Variants in CHAF1B observed in about 807,000 individuals in gnomAD.
CHAF1B encodes the protein chromatin assembly factor 1 subunit B, also known as CAF-1 subunit B.
In CHAF1B, 10 loss-of-function variants were observed where a neutral mutation model predicts 60.7. The observed-to-expected ratio is 0.16, with a 90% CI of 0.10 to 0.28. The LOEUF is 0.28. Among genes scored for constraint, CHAF1B ranks in the 10% least tolerant of loss-of-function variants. CHAF1B has a pLI of 1.00. For synonymous variants in CHAF1B, 261 were observed against 266.1 expected (o/e 0.98, Z 0.19); for missense variants, 558 against 708.4 (o/e 0.79, Z 2.41).
chr21:36,397,402 G>GT lies in CHAF1B; in HGVS notation c.482-5dup, dbSNP rs565337756. ...ATGCTGTTTTGGTGCGTGTGTGTGT[G>GT]TTTTTTTTGTAGGACAAAAGATATC... is the stretch of plus-strand genomic sequence containing the variant. On this transcript the variant is annotated splice_polypyrimidine_tract_variant and intron_variant, in intron 5 of 13. Coordinates refer to ENST00000314103, the MANE Select transcript of CHAF1B (RefSeq NM_005441.3). 33,444 of 1,402,582 alleles carry GT rather than the reference G, an allele frequency of 0.024. 516 individuals are homozygous for GT. The highest frequency in any genetic ancestry group is 0.061 in the Admixed American group (3,097 of 51,166). The allele number at this position is 1,402,582 out of a possible 1,614,324, so 86.9% of individuals were successfully genotyped here. A position where few individuals can be genotyped will look rare whatever the true frequency, so the allele number is the denominator to read the frequency against.
intron 10 of CHAF1B, among the ~76,000 whole-genome samples, chr21:36,410,857 T>G (rs2086273023): frequency 6.6e-6 from 1 of 151,958 alleles, no homozygotes; most frequent in South Asian, 2.1e-4. Flanking sequence ...GGCAGGGTTT[T>G]GCCATGTTGG....
At chr21:36,395,593 C>A (rs1224365923) in intron 5 of CHAF1B, among the ~76,000 whole-genome samples, 1 of 152,110 alleles carries the variant, frequency 6.6e-6, no homozygotes, top group Admixed American at 6.6e-5. Context: ...ATTAACAAGT[C>A]ACTTATAATT....
intron 11 of CHAF1B, among the ~76,000 whole-genome samples, chr21:36,412,333 A>G (rs2086284137): frequency 6.6e-6 from 1 of 151,424 alleles, no homozygotes; most frequent in Admixed American, 6.6e-5. Flanking sequence ...TTTGGTCCCC[A>G]ATTCAGCCCC....
rs547040422 is a variant in CHAF1B, at chr21:36,418,525, C to G, written c.*2159C>G. On this transcript the variant is annotated 3_prime_UTR_variant, in exon 14 of 14. Coordinates refer to ENST00000314103, the MANE Select transcript of CHAF1B (RefSeq NM_005441.3). ...TGGGTCCCCTGTCCTTATTGAGCAG[C>G]CTGCTTCCTGGCCATACCTGGGGAG... is the stretch of plus-strand genomic sequence containing the variant. 6.6e-6 allele frequency: 1 copy of G among 152,184 alleles called. No individual in the cohort carries two copies. Among genetic ancestry groups the G allele is most frequent in the Non-Finnish European group, 1.5e-5 (1 of 68,130 alleles). 9.4% of individuals were successfully genotyped at this position (152,184 alleles called of 1,614,324 possible).
chr21:36,394,234 G>T (rs1415183368), intron 4 of CHAF1B, among the ~76,000 whole-genome samples: 1 of 151,982 alleles, frequency 6.6e-6, no homozygotes, highest in Non-Finnish European at 1.5e-5. Context: ...GCACCACCAC[G>T]CCTGGCTAAT....
intron 8 of CHAF1B, among the ~76,000 whole-genome samples, chr21:36,407,439 A>G (rs1288714235): frequency 6.6e-6 from 1 of 152,200 alleles, no homozygotes; most frequent in African/African-American, 2.4e-5. Flanking sequence ...ATGCAGCTAC[A>G]AAAAAATAAT....
chr21:36,413,229 G>A lies in CHAF1B; in HGVS notation c.1407G>A (p.Leu469=), dbSNP rs749847674. The change falls in exon 12 of 14, where the codon CTG becomes CTA. Residue 469 remains leucine, a synonymous_variant. Transcript: ENST00000314103. ...CGGGGCCTTCGGAGGAGAAGACCCTGCAGCCCAGTAGTCAAAACACAAAAG... is the reference window on the plus strand; with the variant it reads ...CGGGGCCTTCGGAGGAGAAGACCCTACAGCCCAGTAGTCAAAACACAAAAG... ...PLPGPSEEKT[L]QPSSQNTKAH... is the part of the protein sequence containing the mutation. 4.3e-6 allele frequency: 7 copies of A among 1,611,784 alleles called. No individual in the cohort carries two copies. The highest frequency in any genetic ancestry group is 8.5e-7 in the Non-Finnish European group (1 of 1,178,124).
intron 6 of CHAF1B, 89 bp downstream of exon 6, chr21:36,397,600 T>C: frequency 1.7e-6 from 1 of 577,936 alleles, no homozygotes; most frequent in South Asian, 3.1e-5. Flanking sequence ...TTAGCCAAGA[T>C]TTATCATAGT....
chr21:36,389,604 C>CAAA (rs745521824), intron 3 of CHAF1B, among the ~76,000 whole-genome samples: 154 of 73,526 alleles, frequency 2.1e-3, no homozygotes, highest in African/African-American at 6.8e-3. Flanking sequence ...GAGTCTGTCT[C>CAAA]AAAAAAAAAA....
intron 8 of CHAF1B, among the ~76,000 whole-genome samples, chr21:36,404,584 G>A (rs1317819521): frequency 1.6e-4 from 24 of 149,646 alleles, no homozygotes; most frequent in African/African-American, 5.4e-4. Flanking sequence ...ACAGGCATGC[G>A]CCACCACGCC....
In CHAF1B at chr21:36,413,124, C is replaced by T. The variant is rs142952612; in HGVS notation, c.1302C>T (p.Pro434=). 1.1e-3 allele frequency: 1,845 copies of T among 1,614,080 alleles called. 4 individuals are homozygous for T. Among genetic ancestry groups the T allele is most frequent in the Non-Finnish European group, 9.6e-4 (1,138 of 1,180,014 alleles). The change falls in exon 12 of 14, where the codon CCC becomes CCT. Residue 434 remains proline, a synonymous_variant. Coordinates refer to ENST00000314103, the MANE Select transcript of CHAF1B (RefSeq NM_005441.3). ...TQDPSSPGTT[P]PQARQAPAPT... ...ACCCCAGCAGCCCCGGCACGACTCC[C>T]CCTCAGGCCAGACAGGCCCCAGCCC... is the stretch of plus-strand genomic sequence containing the variant.
chr21:36,410,730 G>A (rs866964154), intron 10 of CHAF1B, among the ~76,000 whole-genome samples: 9 of 148,922 alleles, frequency 6.0e-5, no homozygotes, highest in Non-Finnish European at 8.9e-5. Flanking sequence ...GTATAATCTC[G>A]GCTCGTTGCA....
intron 4 of CHAF1B, 48 bp downstream of exon 4, chr21:36,391,716 A>C (rs764958082): frequency 3.5e-6 from 4 of 1,152,342 alleles, no homozygotes; most frequent in Non-Finnish European, 3.9e-6. Context: ...CGATGAGTGC[A>C]TTAAATGGAA....
intron 10 of CHAF1B, among the ~76,000 whole-genome samples, chr21:36,409,986 T>TG (rs1465701453): frequency 6.6e-6 from 1 of 150,792 alleles, no homozygotes; most frequent in African/African-American, 2.4e-5. Flanking sequence ...TTTTTTGAGA[T>TG]GGGGTCTTGC....
rs2086335240 is a variant in CHAF1B, at chr21:36,418,701, T to C, written c.*2335T>C. 1 of 151,844 alleles carries C rather than the reference T, an allele frequency of 6.6e-6. No homozygotes were observed. Among genetic ancestry groups the C allele is most frequent in the South Asian group, 2.1e-4 (1 of 4,812 alleles). The allele number at this position is 151,844 out of a possible 1,614,324, so 9.4% of individuals were successfully genotyped here. On this transcript the variant is annotated 3_prime_UTR_variant, in exon 14 of 14. Coordinates refer to ENST00000314103, the MANE Select transcript of CHAF1B (RefSeq NM_005441.3). ...CCATCTCTACTAAAAATACAAAAAC[T>C]AGCCAGGCGCGGTGGCACACACTTG...
At chr21:36,393,587 G>C (rs1482558054) in intron 4 of CHAF1B, among the ~76,000 whole-genome samples, 1 of 151,382 alleles carries the variant, frequency 6.6e-6, no homozygotes, top group Non-Finnish European at 1.5e-5. Context: ...GAGTAGCTGG[G>C]ATTACAGGCC....
chr21:36,391,521 G>A (rs560209586), intron 3 of CHAF1B, 30 bp from the exon 4 acceptor site: 52 of 1,312,524 alleles, frequency 4.0e-5, no homozygotes, highest in Non-Finnish European at 5.3e-5. Context: ...TGGGTGAAGC[G>A]TGGATCACTG....
chr21:36,417,036 G>C lies in CHAF1B; in HGVS notation c.*670G>C, dbSNP rs1376462283. 1 of 152,088 alleles carries C rather than the reference G, an allele frequency of 6.6e-6. No homozygotes were observed. The highest frequency in any genetic ancestry group is 1.5e-5 in the Non-Finnish European group (1 of 68,008). 9.4% of individuals were successfully genotyped at this position (152,088 alleles called of 1,614,324 possible). On this transcript the variant is annotated 3_prime_UTR_variant, in exon 14 of 14. Transcript: ENST00000314103. ...CATATGCAATTTGGTATCTAAATAG[G>C]TTAGTTTTTTAGATTGGTTTTTCAA...
At chr21:36,389,759 ATGTG>A (rs1555911822) in intron 3 of CHAF1B, among the ~76,000 whole-genome samples, 11,207 of 125,732 alleles carry the variant, frequency 0.089, 542 homozygotes, top group Middle Eastern at 0.16. Flanking sequence ...GCATGAAGGG[ATGTG>A]TGTGTGTGTG....
Sources: allele counts gnomAD v4.1 joint callset (sites outside exome capture counted in the v4.1 genomes callset), GRCh38; gene constraint gnomAD v4.1.1; transcripts MANE v1.5; gene names NCBI Gene and HGNC (gene_info 2026-07-23, HGNC 2026-07-21).